TPD52L1: variants seen among roughly 807,000 people sequenced by gnomAD.
TPD52L1 encodes the protein TPD52 like 1.
Under a neutral mutation model 28.7 loss-of-function variants are expected in TPD52L1, and 18 were observed. The ratio of observed to expected loss-of-function variants is 0.63; its 90% CI spans 0.43 to 0.93. TPD52L1 has a LOEUF of 0.93. Among genes scored for constraint, TPD52L1 ranks in the 40% least tolerant of loss-of-function variants. The pLI is 0.00. For missense variants in TPD52L1, 203 were observed against 254.8 expected, an observed-to-expected ratio of 0.80 and a Z score of 1.39; for synonymous variants, 75 against 88.8, an observed-to-expected ratio of 0.84 and a Z score of 0.88.
chr6:125,242,405 A>G (rs1796669207), intron 3 of TPD52L1, among the ~76,000 whole-genome samples: 1 of 152,000 alleles, frequency 6.6e-6, no homozygotes. Context: ...GTCCCCCACT[A>G]TTATTGCATT....
chr6:125,179,085 G>C (rs1322403922), intron 1 of TPD52L1, among the ~76,000 whole-genome samples: 1 of 152,216 alleles, frequency 6.6e-6, no homozygotes, highest in African/African-American at 2.4e-5. Context: ...AAGTCCTTCA[G>C]ATTCTTCAGA....
chr6:125,173,502 C>T (rs1419408298), intron 1 of TPD52L1, among the ~76,000 whole-genome samples: 2 of 152,206 alleles, frequency 1.3e-5, no homozygotes, highest in Non-Finnish European at 2.9e-5. Flanking sequence ...ATCTTGGTTT[C>T]ACCACCACTC....
intron 1 of TPD52L1, among the ~76,000 whole-genome samples, chr6:125,199,447 G>A (rs976850283): frequency 1.3e-5 from 2 of 152,226 alleles, no homozygotes; most frequent in South Asian, 2.1e-4. Context: ...CACTTTGGGA[G>A]GCTGCGGCGG....
intron 1 of TPD52L1, among the ~76,000 whole-genome samples, chr6:125,157,507 G>T (rs1041450636): frequency 6.6e-6 from 1 of 152,160 alleles, no homozygotes; most frequent in African/African-American, 2.4e-5. Context: ...GGAGAGAGAT[G>T]TCCACAGGAG....
intron 1 of TPD52L1, among the ~76,000 whole-genome samples, chr6:125,196,623 A>G (rs759862458): frequency 6.6e-6 from 1 of 152,244 alleles, no homozygotes; most frequent in Non-Finnish European, 1.5e-5. Flanking sequence ...TATCTGTAAT[A>G]TATACTTTGG....
At chr6:125,181,251 T>G (rs1418773627) in intron 1 of TPD52L1, among the ~76,000 whole-genome samples, 1 of 152,100 alleles carries the variant, frequency 6.6e-6, no homozygotes, top group Non-Finnish European at 1.5e-5. Flanking sequence ...TATGTCAAGA[T>G]CAAAATTCAG....
intron 2 of TPD52L1, among the ~76,000 whole-genome samples, chr6:125,228,007 C>A (rs560517959): frequency 1.3e-5 from 2 of 152,290 alleles, no homozygotes; most frequent in South Asian, 4.1e-4. Flanking sequence ...TTGGCATATT[C>A]ATTCAATAGA....
chr6:125,159,284 G>A lies in TPD52L1; in HGVS notation c.19+5314G>A, dbSNP rs147792030. Among the ~76,000 whole-genome samples the A allele has an allele frequency of 1.2e-3, 186 of 152,266 alleles. 1 individual carries two copies. The highest frequency in any genetic ancestry group is 6.8e-3 in the Middle Eastern group (2 of 294). On this transcript the variant is annotated intron_variant, in intron 1 of 6. Transcript: ENST00000534000. ...TTTATATAATTCTAAATCCTTTGTTGTCATTTACACAGTGCTGTGAACATC... is the reference window on the plus strand; with the variant it reads ...TTTATATAATTCTAAATCCTTTGTTATCATTTACACAGTGCTGTGAACATC...
At chr6:125,227,263 A>G (rs1157341642) in intron 2 of TPD52L1, among the ~76,000 whole-genome samples, 1 of 152,166 alleles carries the variant, frequency 6.6e-6, no homozygotes, top group East Asian at 1.9e-4. Context: ...TGTTTTGCTT[A>G]CGTGATTATT....
chr6:125,235,936 A>G (rs1017017564), intron 3 of TPD52L1, among the ~76,000 whole-genome samples: 5 of 152,250 alleles, frequency 3.3e-5, no homozygotes, highest in East Asian at 1.9e-4. Flanking sequence ...ATGTGGGGGG[A>G]AAATGTGCAT....
intron 3 of TPD52L1, among the ~76,000 whole-genome samples, chr6:125,230,799 G>A: frequency 6.6e-6 from 1 of 152,184 alleles, no homozygotes; most frequent in Non-Finnish European, 1.5e-5. Flanking sequence ...CAATCAGATA[G>A]GTTCAGGGCA....
At chr6:125,184,013 T>C (rs73771261) in intron 1 of TPD52L1, among the ~76,000 whole-genome samples, 1,662 of 152,300 alleles carry the variant, frequency 0.011, 27 homozygotes, top group African/African-American at 0.038. Flanking sequence ...CAGGGTCCAG[T>C]TGCAGAGGAT....
chr6:125,203,227 A>G (rs1405093916), intron 1 of TPD52L1, among the ~76,000 whole-genome samples: 1 of 152,124 alleles, frequency 6.6e-6, no homozygotes, highest in Non-Finnish European at 1.5e-5. Context: ...TTTTCCTCAT[A>G]CACTATGGGA....
intron 3 of TPD52L1, among the ~76,000 whole-genome samples, chr6:125,235,101 CAATAAT>C (rs147249181): frequency 1.1e-3 from 161 of 142,548 alleles, no homozygotes; most frequent in African/African-American, 3.4e-3. Flanking sequence ...CTACAAATAA[CAATAAT>C]AATAATAATA....
intron 1 of TPD52L1, among the ~76,000 whole-genome samples, chr6:125,157,101 T>C (rs1485182675): frequency 1.3e-5 from 2 of 152,068 alleles, no homozygotes; most frequent in Non-Finnish European, 2.9e-5. Flanking sequence ...GATAAGACAG[T>C]TCTGTGATTT....
At chr6:125,219,731 A>G in intron 1 of TPD52L1, 2 of 336,644 alleles carry the variant, frequency 5.9e-6, no homozygotes, top group Non-Finnish European at 5.8e-6. Flanking sequence ...ACCCCTCTCC[A>G]TGGGCGGGCC....
intron 1 of TPD52L1, among the ~76,000 whole-genome samples, chr6:125,172,148 CTTTCTTTCTT>C (rs1791407471): frequency 6.8e-5 from 4 of 59,192 alleles, no homozygotes; most frequent in African/African-American, 3.4e-4. Context: ...TTCTTTCTTT[CTTTCTTTCTT>C]TTCTTTCTTT....
chr6:125,196,725 A>G (rs113146929), intron 1 of TPD52L1, among the ~76,000 whole-genome samples: 5 of 152,336 alleles, frequency 3.3e-5, no homozygotes, highest in African/African-American at 1.2e-4. Flanking sequence ...ATATCAGACT[A>G]TTCTTAGACT....
chr6:125,186,364 C>A (rs552402929), intron 1 of TPD52L1, among the ~76,000 whole-genome samples: 21 of 152,258 alleles, frequency 1.4e-4, no homozygotes, highest in African/African-American at 4.8e-4. Context: ...TGTGATCCAA[C>A]AAACTTTATT....
Sources: allele counts gnomAD v4.1 joint callset (sites outside exome capture counted in the v4.1 genomes callset), GRCh38; gene constraint gnomAD v4.1.1; transcripts MANE v1.5; gene names NCBI Gene and HGNC (gene_info 2026-07-23, HGNC 2026-07-21).